Variants in GLYR1 observed in about 807,000 individuals in gnomAD.
GLYR1 encodes cytokine-like nuclear factor N-PAC.
Under a neutral mutation model 72.7 loss-of-function variants are expected in GLYR1, and 21 were observed. The ratio of observed to expected loss-of-function variants is 0.29; its 90% CI spans 0.20 to 0.42. The LOEUF is 0.42. GLYR1 is among the 10% of genes least tolerant of loss of function. The pLI is 1.00. For missense variants in GLYR1, 594 were observed against 712.1 expected (o/e 0.83, Z 1.89); for synonymous variants, 392 against 270.2 (o/e 1.45, Z -4.42).
chr16:4,811,772 A>G lies in GLYR1; in HGVS notation c.1313T>C (p.Leu438Pro). 6.2e-7 allele frequency: 1 copy of G among 1,613,908 alleles called. No individual in the cohort carries two copies. The highest frequency in any genetic ancestry group is 8.5e-7 in the Non-Finnish European group (1 of 1,179,906). Residue 438 changes from leucine (L) to proline (P), a missense_variant, in exon 14 of 16, where the codon CTG becomes CCG. Leu to Pro is a moderately conservative substitution (Grantham distance 98, BLOSUM62 -3). Around this residue, in one of 5 missense-constraint regions of GLYR1, gnomAD observed 266 missense variants for 358.4 expected, o/e 0.74. Coordinates refer to ENST00000321919, the MANE Select transcript of GLYR1 (RefSeq NM_032569.4). ...GEVGNAAKMM[L>P]IVNMVQGSFM... ...GCTCCCTTGGACCATGTTCACGATCAGCATCATCTTGGCTGCATTGCCCAC... is the reference window on the plus strand; with the variant it reads ...GCTCCCTTGGACCATGTTCACGATCGGCATCATCTTGGCTGCATTGCCCAC...
At position 4,846,224 on chromosome 16, in the gene GLYR1, A is replaced by G. The variant is rs766161026; in HGVS notation, c.39-14T>C. Reference sequence around the variant, plus strand: ...CCGAGTTTCCCCCTAGAGAAAACACAAAGAGTCAACACTTGCCCTGCAAAA... The same window carrying G: ...CCGAGTTTCCCCCTAGAGAAAACACGAAGAGTCAACACTTGCCCTGCAAAA... On this transcript the variant is annotated splice_polypyrimidine_tract_variant and intron_variant, in intron 1 of 15. Coordinates refer to ENST00000321919, the MANE Select transcript of GLYR1 (RefSeq NM_032569.4). The G allele has an allele frequency of 5.0e-6, 8 of 1,613,706 alleles. No homozygotes were observed. In the East Asian group the frequency reaches 1.6e-4, roughly 31 times the overall value.
Position 4,805,150 on chromosome 16 carries a change from A to G in GLYR1, c.*86T>C. The G allele has an allele frequency of 9.0e-7, 1 of 1,109,352 alleles. No homozygotes were observed. Among genetic ancestry groups the G allele is most frequent in the Non-Finnish European group, 1.4e-6 (1 of 730,922 alleles). The allele number at this position is 1,109,352 out of a possible 1,614,324, so 68.7% of individuals were successfully genotyped here. On this transcript the variant is annotated 3_prime_UTR_variant, in exon 16 of 16. Transcript: ENST00000321919. ...GAAATGGAGATAGGTGGGCTGGTCC[A>G]GAATGAACTCCCAGGCCCCCGACCC...
intron 2 of GLYR1, among the ~76,000 whole-genome samples, chr16:4,845,630 A>G (rs992480233): frequency 4.6e-5 from 7 of 152,162 alleles, no homozygotes; most frequent in Admixed American, 4.6e-4. Context: ...AGAAAACACC[A>G]TATTGCAAAG....
At chr16:4,822,385 C>A (rs983853579) in intron 7 of GLYR1, among the ~76,000 whole-genome samples, 7 of 151,994 alleles carry the variant, frequency 4.6e-5, no homozygotes, top group African/African-American at 1.7e-4. Context: ...CCATGCCCGG[C>A]CTTTGGGTTT....
intron 3 of GLYR1, 74 bp from the exon 4 acceptor site, chr16:4,832,986 G>A (rs1258359210): frequency 1.1e-5 from 15 of 1,386,644 alleles, no homozygotes; most frequent in African/African-American, 2.9e-5. Context: ...CCTCACTATG[G>A]CACGGTGTAA....
chr16:4,814,064 T>TAAAA, intron 11 of GLYR1: 1 of 320,066 alleles, frequency 3.1e-6, no homozygotes, highest in Non-Finnish European at 5.6e-6. Context: ...TCTTTTTATT[T>TAAAA]AAAAAAAAAA....
At chr16:4,834,809 C>T (rs536358650) in intron 3 of GLYR1, among the ~76,000 whole-genome samples, 187 of 152,200 alleles carry the variant, frequency 1.2e-3, no homozygotes, top group Non-Finnish European at 2.3e-3. Context: ...AACATGAGAG[C>T]GCCAATGAGT....
intron 10 of GLYR1, 28 bp downstream of exon 10, chr16:4,817,570 C>CCAA (rs2083729840): frequency 1.4e-6 from 2 of 1,417,722 alleles, no homozygotes; most frequent in East Asian, 4.6e-5. Flanking sequence ...CTCCACCGAT[C>CCAA]CAACAGGCAC....
At chr16:4,811,985 G>T in intron 13 of GLYR1, 101 bp downstream of exon 13, 1 of 1,486,678 alleles carries the variant, frequency 6.7e-7, no homozygotes, top group Non-Finnish European at 9.0e-7. Context: ...CCTTCCCCAG[G>T]GTCCCCGGCA....
At position 4,821,439 on chromosome 16, in the gene GLYR1, G is replaced by A. The variant is rs781302529; in HGVS notation, c.747C>T (p.Thr249=). Residue 249 remains threonine, a synonymous_variant, in exon 9 of 16, where the codon ACC becomes ACT. Transcript: ENST00000321919. ...LKICEEETGS[T]SIQAADSTAV... ...CTGTGCTGTCAGCTGCCTGGATGGA[G>A]GTGGAGCCAGTTTCCTACGGACAGG... 1.2e-6 allele frequency: 2 copies of A among 1,613,850 alleles called. No homozygotes were observed. The highest frequency in any genetic ancestry group is 1.1e-5 in the South Asian group (1 of 91,084).
chr16:4,826,507 C>T (rs939803652), intron 5 of GLYR1, among the ~76,000 whole-genome samples: 1 of 152,196 alleles, frequency 6.6e-6, no homozygotes, highest in Admixed American at 6.5e-5. Context: ...TGCTGCCATA[C>T]AGTCCAGGTT....
intron 3 of GLYR1, among the ~76,000 whole-genome samples, chr16:4,835,830 C>T (rs1423968762): frequency 1.3e-5 from 2 of 152,150 alleles, no homozygotes; most frequent in African/African-American, 4.8e-5. Context: ...GACTCCACCT[C>T]AAAAACAGTA....
intron 3 of GLYR1, among the ~76,000 whole-genome samples, chr16:4,840,528 A>T (rs1215276333): frequency 4.6e-5 from 7 of 151,684 alleles, no homozygotes; most frequent in African/African-American, 1.7e-4. Flanking sequence ...TTTCTTTTCA[A>T]ACAAACACAC....
chr16:4,845,202 A>G (rs764502264), intron 2 of GLYR1, 49 bp from the exon 3 acceptor site: 1 of 1,291,156 alleles, frequency 7.7e-7, no homozygotes, highest in South Asian at 1.2e-5. Context: ...ACAGCAGCCC[A>G]CTTTCTAGTG....
chr16:4,824,515 AG>A (rs1321549239), intron 5 of GLYR1, among the ~76,000 whole-genome samples: 31 of 151,060 alleles, frequency 2.1e-4, no homozygotes, highest in African/African-American at 7.3e-4. Context: ...AAAAAAAAAA[AG>A]AAAAAAAAGA....
At chr16:4,816,814 C>A (rs562258218) in intron 10 of GLYR1, among the ~76,000 whole-genome samples, 1 of 152,080 alleles carries the variant, frequency 6.6e-6, no homozygotes, top group African/African-American at 2.4e-5. Flanking sequence ...GGTGAAACCC[C>A]TTCTCTACTA....
intron 5 of GLYR1, among the ~76,000 whole-genome samples, chr16:4,829,835 G>A (rs545044251): frequency 6.6e-6 from 1 of 152,018 alleles, no homozygotes; most frequent in Non-Finnish European, 1.5e-5. Context: ...ACCACACTCG[G>A]GTAATTTTTG....
In GLYR1 at chr16:4,841,156, T is replaced by C. The variant is rs142296705; in HGVS notation, c.155+3918A>G. On this transcript the variant is annotated intron_variant, in intron 3 of 15. Transcript: ENST00000321919. ...CCTTCGTCAGTTAGAAATTATATCA[T>C]CACCACCACCATCCAGGCTATTTTT... Among the ~76,000 whole-genome samples, 755 of 152,290 alleles carry C rather than the reference T, an allele frequency of 5.0e-3. 25 individuals carry two copies. The highest frequency in any genetic ancestry group is 0.046 in the Admixed American group (697 of 15,292).
rs1057102270 is a variant in GLYR1 at position 4,803,888 on chromosome 16, A to G, written c.*1348T>C. The stretch of plus-strand genomic sequence containing the variant: ...CCATGCAGAGGGATAAAAAACTGAC[A>G]TCCCTTGGGTAACTTTTTTTTTTGC... On this transcript the variant is annotated 3_prime_UTR_variant, in exon 16 of 16. Coordinates refer to ENST00000321919, the MANE Select transcript of GLYR1 (RefSeq NM_032569.4). The G allele has an allele frequency of 6.6e-6, 1 of 151,480 alleles. No homozygotes were observed. Among genetic ancestry groups the G allele is most frequent in the Non-Finnish European group, 1.5e-5 (1 of 67,906 alleles). The allele number at this position is 151,480 out of a possible 1,614,324, so 9.4% of individuals were successfully genotyped here. A position where few individuals can be genotyped will look rare whatever the true frequency, so the allele number is the denominator to read the frequency against.
Sources: allele counts gnomAD v4.1 joint callset (sites outside exome capture counted in the v4.1 genomes callset), GRCh38; gene constraint gnomAD v4.1.1; regional missense constraint gnomAD v4.1.1; transcripts MANE v1.5; gene names NCBI Gene and HGNC (gene_info 2026-07-23, HGNC 2026-07-21).